SLK: variants seen among roughly 807,000 people sequenced by gnomAD.
The protein encoded by SLK is STE20 like kinase.
SLK carries 67 observed loss-of-function variants against 147.7 expected under a neutral mutation model. The observed-to-expected ratio is 0.45, with a 90% CI of 0.37 to 0.56. The LOEUF (loss-of-function observed/expected upper bound fraction) is 0.56. Ranked by LOEUF, SLK falls within the 20% of genes least tolerant of loss-of-function variation. SLK has a pLI of 0.00. For synonymous variants in SLK, 441 were observed against 475.0 expected (o/e 0.93, Z 0.93); for missense variants, 1,136 against 1,438.8 (o/e 0.79, Z 3.41).
At chr10:104,014,903 CTT>C (rs553076129) in intron 13 of SLK, among the ~76,000 whole-genome samples, 5 of 143,196 alleles carry the variant, frequency 3.5e-5, no homozygotes, top group African/African-American at 1.3e-4. Context: ...TTAAGTTCAT[CTT>C]TTTTTTTTTA....
chr10:103,993,163 A>G (rs1159118148), intron 4 of SLK, 30 bp downstream of exon 4: 8 of 1,509,014 alleles, frequency 5.3e-6, no homozygotes, highest in Non-Finnish European at 7.3e-6. Context: ...AAAACATTAG[A>G]ATTTTTACTC....
Position 103,998,928 on chromosome 10 carries a change from A to C in SLK, c.544A>C (p.Arg182=). The change falls in exon 5 of 19, where the codon AGG becomes CGG. Residue 182 remains arginine (R), a synonymous_variant. Coordinates refer to ENST00000369755, the MANE Select transcript of SLK (RefSeq NM_014720.4). The part of the protein sequence containing the change: ...ADFGVSAKNT[R]TIQRRDSFIG... ...TTTTGGAGTATCAGCTAAAAACACG[A>C]GGACAATTCAAAGAAGAGATTCCTT... The C allele has an allele frequency of 1.2e-6, 2 of 1,612,172 alleles. No homozygotes were observed. The highest frequency in any genetic ancestry group is 1.7e-6 in the Non-Finnish European group (2 of 1,178,420).
intron 9 of SLK, among the ~76,000 whole-genome samples, chr10:104,004,701 A>G (rs1170574242): frequency 6.6e-6 from 1 of 152,170 alleles, no homozygotes; most frequent in Non-Finnish European, 1.5e-5. Context: ...TTCACATTCC[A>G]TTTTTGCTTC....
intron 1 of SLK, among the ~76,000 whole-genome samples, chr10:103,972,564 C>T (rs904093386): frequency 4.0e-5 from 6 of 151,352 alleles, no homozygotes; most frequent in East Asian, 1.9e-4. Context: ...CCCAGCTACT[C>T]GGGAGGCTGA....
intron 1 of SLK, among the ~76,000 whole-genome samples, chr10:103,982,234 C>T (rs1843955463): frequency 6.6e-6 from 1 of 152,148 alleles, no homozygotes; most frequent in South Asian, 2.1e-4. Flanking sequence ...ACTATGCAAT[C>T]TATGCACATT....
At chr10:104,011,684 C>G (rs1268262050) in intron 13 of SLK, among the ~76,000 whole-genome samples, 1 of 151,970 alleles carries the variant, frequency 6.6e-6, no homozygotes, top group African/African-American at 2.4e-5. Flanking sequence ...CCTCAGCCTC[C>G]CGAGTAGCTG....
At position 104,025,510 on chromosome 10, in the gene SLK, T is replaced by C. The variant is rs553173445; in HGVS notation, c.3562-64T>C. 8.7e-5 allele frequency: 129 copies of C among 1,481,180 alleles called. 1 individual carries two copies. In the East Asian group the frequency reaches 2.1e-3, roughly 24 times the overall value. The allele number at this position is 1,481,180 out of a possible 1,614,324, so 91.8% of individuals were successfully genotyped here. A position where few individuals can be genotyped will look rare whatever the true frequency, so the allele number is the denominator to read the frequency against. ...TTTGGACAAGTAGTTTTATCTTGGCTGTCAGCATAAATTCTATATATAATA... is the reference window on the plus strand; with the variant it reads ...TTTGGACAAGTAGTTTTATCTTGGCCGTCAGCATAAATTCTATATATAATA... On this transcript the variant is annotated intron_variant, in intron 18 of 18. Coordinates refer to ENST00000369755, the MANE Select transcript of SLK (RefSeq NM_014720.4).
intron 1 of SLK, among the ~76,000 whole-genome samples, chr10:103,969,254 C>T (rs1294703615): frequency 6.6e-6 from 1 of 152,176 alleles, no homozygotes; most frequent in East Asian, 1.9e-4. Context: ...CAGGCGTGAG[C>T]CACCGTCCCC....
intron 3 of SLK, 126 bp downstream of exon 3, chr10:103,992,772 G>T (rs1051268267): frequency 4.1e-5 from 8 of 195,220 alleles, no homozygotes; most frequent in Non-Finnish European, 4.3e-5. Flanking sequence ...GTTAACTCAA[G>T]TATGTTTTTA....
intron 1 of SLK, among the ~76,000 whole-genome samples, chr10:103,968,402 C>T (rs1843747243): frequency 6.6e-6 from 1 of 152,136 alleles, no homozygotes. Context: ...AGTTGCTTGA[C>T]AGCATACTAT....
At position 103,979,062 on chromosome 10, in the gene SLK, C is replaced by T. The variant is rs1036695504; in HGVS notation, c.150+11167C>T. ...ACAGGGTCTCACTCTGTCGCCCAGG[C>T]AGGAGTGCAGTGCCGCGATCTTGGC... On this transcript the variant is annotated intron_variant, in intron 1 of 18. Transcript: ENST00000369755. Among the ~76,000 whole-genome samples, 7 of 152,184 alleles carry T rather than the reference C, an allele frequency of 4.6e-5. No homozygotes were observed. In the South Asian group the frequency reaches 1.4e-3, roughly 32 times the overall value.
chr10:103,995,423 C>CTTTTTTTTTTT (rs756975426), intron 4 of SLK, among the ~76,000 whole-genome samples: 9 of 67,700 alleles, frequency 1.3e-4, no homozygotes, highest in African/African-American at 3.0e-4. Context: ...TCTTTCTTTT[C>CTTTTTTTTTTT]TTTTTTTTTT....
At chr10:103,973,995 G>T (rs1467178211) in intron 1 of SLK, among the ~76,000 whole-genome samples, 1 of 152,128 alleles carries the variant, frequency 6.6e-6, no homozygotes, top group East Asian at 1.9e-4. Context: ...TGGCTTCCTG[G>T]ATCCTTTGCC....
At position 103,967,749 on chromosome 10, in the gene SLK, T is replaced by C; in HGVS notation, c.4T>C (p.Ser2Pro). 1 of 1,614,052 alleles carries C rather than the reference T, an allele frequency of 6.2e-7. No individual in the cohort carries two copies. Among genetic ancestry groups the C allele is most frequent in the Admixed American group, 1.7e-5 (1 of 60,028 alleles). M[S>P]FFNFRKIFKL... is the part of the protein sequence containing the mutation. The stretch of plus-strand genomic sequence containing the variant: ...GAACTCTGTGTTGGGAGGAAAAATG[T>C]CCTTCTTCAATTTCCGTAAGATCTT... Residue 2 changes from serine (S) to proline (P), a missense_variant, in exon 1 of 19, where the codon TCC (serine) becomes CCC (proline). Ser to Pro is a moderately conservative substitution (Grantham distance 74). Coordinates refer to ENST00000369755, the MANE Select transcript of SLK (RefSeq NM_014720.4).
At chr10:103,984,412 CATCTT>C (rs1306815137) in intron 1 of SLK, among the ~76,000 whole-genome samples, 1 of 152,030 alleles carries the variant, frequency 6.6e-6, no homozygotes, top group Non-Finnish European at 1.5e-5. Context: ...CCCATTTCCT[CATCTT>C]ATTTTATGTT....
chr10:104,011,029 T>C (rs1844393213), intron 13 of SLK, 121 bp downstream of exon 13: 2 of 501,330 alleles, frequency 4.0e-6, no homozygotes, highest in Non-Finnish European at 6.8e-6. Flanking sequence ...CTTCTCCCCA[T>C]TCAAAAACTC....
At chr10:103,975,867 G>T (rs886066587) in intron 1 of SLK, among the ~76,000 whole-genome samples, 1 of 152,112 alleles carries the variant, frequency 6.6e-6, no homozygotes, top group Non-Finnish European at 1.5e-5. Context: ...TTGAGCCCAG[G>T]AGTTCAAGAC....
intron 9 of SLK, among the ~76,000 whole-genome samples, 175 bp from the exon 10 acceptor site, chr10:104,005,386 A>C (rs576022061): frequency 1.3e-3 from 198 of 152,354 alleles, no homozygotes; most frequent in African/African-American, 4.4e-3. Context: ...TTAAGGTGTT[A>C]TAACTGGTTC....
At chr10:104,018,588 G>A (rs922628818) in intron 14 of SLK, among the ~76,000 whole-genome samples, 196 bp from the exon 15 acceptor site, 3 of 151,894 alleles carry the variant, frequency 2.0e-5, no homozygotes, top group African/African-American at 7.3e-5. Flanking sequence ...CTGTTTATAC[G>A]ACATTAGAAC....
Sources: allele counts gnomAD v4.1 joint callset (sites outside exome capture counted in the v4.1 genomes callset), GRCh38; gene constraint gnomAD v4.1.1; transcripts MANE v1.5; gene names NCBI Gene and HGNC (gene_info 2026-07-23, HGNC 2026-07-21).